Variants in PIGK observed in about 807,000 individuals in gnomAD.
PIGK encodes phosphatidylinositol glycan anchor biosynthesis class K, also known as GPI-anchor transamidase.
Under a neutral mutation model 50.6 loss-of-function variants are expected in PIGK, and 42 were observed. The ratio of observed to expected loss-of-function variants is 0.83; its 90% CI spans 0.65 to 1.07. The LOEUF (loss-of-function observed/expected upper bound fraction) is 1.07. Among genes scored for constraint, PIGK ranks in the 50% least tolerant of loss-of-function variants. PIGK has a pLI of 0.00. For synonymous variants in PIGK, 151 were observed against 156.0 expected (o/e 0.97, Z 0.24); for missense variants, 448 against 488.7 (o/e 0.92, Z 0.78).
chr1:77,169,215 A>G (rs1260714574), intron 4 of PIGK, 45 bp downstream of exon 4: 1 of 1,310,218 alleles, frequency 7.6e-7, no homozygotes, highest in Middle Eastern at 1.9e-4. Flanking sequence ...AGAGCCTAAA[A>G]GTAACAATGC....
intron 3 of PIGK, among the ~76,000 whole-genome samples, chr1:77,174,451 T>C (rs1357602682): frequency 6.6e-6 from 1 of 152,238 alleles, no homozygotes; most frequent in Non-Finnish European, 1.5e-5. Flanking sequence ...AAGACTCTGT[T>C]CTGTTTTGTA....
chr1:77,120,148 A>G (rs1654063079), intron 10 of PIGK, among the ~76,000 whole-genome samples: 1 of 152,192 alleles, frequency 6.6e-6, no homozygotes, highest in Admixed American at 6.5e-5. Flanking sequence ...ATAGATCAAA[A>G]AGCTTTTGTG....
intron 4 of PIGK, 87 bp downstream of exon 4, chr1:77,169,173 A>T: frequency 1.2e-6 from 1 of 856,632 alleles, no homozygotes; most frequent in South Asian, 2.8e-5. Flanking sequence ...TTAAAGAAAA[A>T]TAATAAGACA....
intron 10 of PIGK, among the ~76,000 whole-genome samples, chr1:77,098,187 C>T (rs1328356845): frequency 6.6e-6 from 1 of 151,878 alleles, no homozygotes; most frequent in Non-Finnish European, 1.5e-5. Flanking sequence ...CCTAACCCAA[C>T]ACTGTAAACA....
intron 10 of PIGK, among the ~76,000 whole-genome samples, chr1:77,113,980 G>A (rs1005680353): frequency 3.3e-5 from 5 of 152,080 alleles, no homozygotes; most frequent in African/African-American, 1.2e-4. Context: ...CATTGAGAAG[G>A]TGACTCTCTT....
At chr1:77,167,412 G>A (rs947721908) in intron 4 of PIGK, among the ~76,000 whole-genome samples, 2 of 152,184 alleles carry the variant, frequency 1.3e-5, no homozygotes, top group Non-Finnish European at 2.9e-5. Flanking sequence ...TAAATGCTAT[G>A]TGAAGTGCTG....
intron 9 of PIGK, among the ~76,000 whole-genome samples, chr1:77,143,195 C>A (rs976928420): frequency 3.9e-5 from 6 of 152,120 alleles, no homozygotes; most frequent in Non-Finnish European, 7.4e-5. Context: ...TGTCTTATTA[C>A]TAATTAGTAA....
At position 77,202,193 on chromosome 1, in the gene PIGK, C is replaced by T. The variant is rs368290029; in HGVS notation, c.239+4447G>A. 1.8e-4 allele frequency among the ~76,000 whole-genome samples: 27 copies of T among 152,280 alleles called. 1 individual carries two copies. The highest frequency in any genetic ancestry group is 6.5e-4 in the African/African-American group (27 of 41,560). ...CTTTCTCGTCTAGACTAATGAGGTT[C>T]TACTTAGCTATGGGTCTTTAGCACA... On this transcript the variant is annotated intron_variant, in intron 3 of 10. Transcript: ENST00000370812.
At position 77,161,850 on chromosome 1, in the gene PIGK, A is replaced by T; in HGVS notation, c.585-139T>A. 3 of 568,772 alleles carry T rather than the reference A, an allele frequency of 5.3e-6. No individual in the cohort carries two copies. The South Asian group carries it at 9.2e-5, about 17-fold the overall frequency. 35.2% of individuals were successfully genotyped at this position (568,772 alleles called of 1,614,324 possible). ...AAAAGTTTTCAGCAGAATTCCCAAC[A>T]GAAATTTGACCTCAGAAAAGTTAAA... On this transcript the variant is annotated intron_variant, in intron 6 of 10. Transcript: ENST00000370812.
intron 3 of PIGK, among the ~76,000 whole-genome samples, chr1:77,190,439 T>A (rs556000659): frequency 4.6e-5 from 7 of 152,188 alleles, no homozygotes; most frequent in African/African-American, 1.7e-4. Context: ...GATTTAATGA[T>A]ATGTTTTTGT....
At chr1:77,129,334 A>G in intron 9 of PIGK, 1 of 1,590,042 alleles carries the variant, frequency 6.3e-7, no homozygotes, top group Non-Finnish European at 8.6e-7. Flanking sequence ...GCGCAGGCCA[A>G]GCAGTGGGGC....
intron 3 of PIGK, among the ~76,000 whole-genome samples, chr1:77,201,226 C>A (rs557964243): frequency 6.6e-6 from 1 of 152,238 alleles, no homozygotes; most frequent in East Asian, 1.9e-4. Context: ...CATAACTGAC[C>A]AAATAGCTCC....
Position 77,206,724 on chromosome 1 carries a change from G to T in PIGK, c.155C>A (p.Thr52Lys). The change falls in exon 3 of 11, where the codon ACA becomes AAA. Residue 52 changes from threonine (T) to lysine (K), a missense_variant. By Grantham distance (78) the Thr-to-Lys change is moderately conservative. Transcript: ENST00000370812. The stretch of plus-strand genomic sequence containing the variant: ...TCGATAATTAAACCAGAATCGGGAT[G>T]TACACACCTGAAGTATTAAAACAAA... ...HTNNWAVLVC[T>K]SRFWFNYRHV... The T allele has an allele frequency of 6.3e-7, 1 of 1,598,742 alleles. No individual in the cohort carries two copies. The highest frequency in any genetic ancestry group is 1.7e-5 in the Admixed American group (1 of 59,976).
intron 3 of PIGK, chr1:77,194,974 G>C (rs1009379326): frequency 3.5e-5 from 22 of 633,088 alleles, no homozygotes; most frequent in African/African-American, 3.3e-4. Flanking sequence ...GTGGAGCAGA[G>C]GATCACGTGG....
intron 10 of PIGK, among the ~76,000 whole-genome samples, chr1:77,110,394 A>T (rs1014702545): frequency 5.0e-4 from 76 of 152,182 alleles, no homozygotes; most frequent in African/African-American, 1.8e-3. Context: ...ACAGCATGGT[A>T]CTGGTACCAA....
intron 9 of PIGK, among the ~76,000 whole-genome samples, chr1:77,142,822 G>A (rs565734283): frequency 3.9e-4 from 60 of 152,214 alleles, no homozygotes; most frequent in African/African-American, 1.4e-3. Flanking sequence ...ATCCAGATGA[G>A]ATTTGAGTGG....
intron 1 of PIGK, 26 bp downstream of exon 1, chr1:77,219,284 T>C (rs1656666344): frequency 1.9e-6 from 3 of 1,594,996 alleles, no homozygotes; most frequent in Non-Finnish European, 2.6e-6. Flanking sequence ...GCCTCCCGGC[T>C]GTGGTCAAAT....
intron 10 of PIGK, among the ~76,000 whole-genome samples, chr1:77,098,765 C>T (rs908034968): frequency 1.3e-5 from 2 of 151,902 alleles, no homozygotes; most frequent in Non-Finnish European, 1.5e-5. Flanking sequence ...GAGGGTCTCC[C>T]GCAAATCAGT....
At chr1:77,180,901 C>T (rs1490529541) in intron 3 of PIGK, among the ~76,000 whole-genome samples, 2 of 152,056 alleles carry the variant, frequency 1.3e-5, no homozygotes, top group Non-Finnish European at 2.9e-5. Flanking sequence ...TTCCCTTTAG[C>T]TTAAGTGATT....
Sources: allele counts gnomAD v4.1 joint callset (sites outside exome capture counted in the v4.1 genomes callset), GRCh38; gene constraint gnomAD v4.1.1; transcripts MANE v1.5; gene names NCBI Gene and HGNC (gene_info 2026-07-23, HGNC 2026-07-21).